The following CPEB3 variants were observed in gnomAD, a reference collection of about 807,000 sequenced individuals.
CPEB3 encodes cytoplasmic polyadenylation element-binding protein 3.
A neutral mutation model predicts 67.2 loss-of-function variants in CPEB3; 20 were observed. That is an observed-to-expected ratio of 0.30 (90% CI 0.21 to 0.43). CPEB3 has a LOEUF of 0.43. Among genes scored for constraint, CPEB3 ranks in the 20% least tolerant of loss-of-function variants. CPEB3 has a pLI of 1.00. For synonymous variants in CPEB3, 376 were observed against 393.1 expected, an observed-to-expected ratio of 0.96 and a Z score of 0.51; for missense variants, 746 against 968.6, an observed-to-expected ratio of 0.77 and a Z score of 3.05.
At chr10:92,092,653 G>A (rs913671924) in intron 7 of CPEB3, among the ~76,000 whole-genome samples, 4 of 152,120 alleles carry the variant, frequency 2.6e-5, no homozygotes, top group Admixed American at 2.0e-4. Context: ...AGTGGCTCAC[G>A]CCTGTAGTCC....
Position 92,224,859 on chromosome 10 carries a change from C to CTATA in CPEB3, c.1005+14483_1005+14486dup, listed in dbSNP as rs1290949330. Among the ~76,000 whole-genome samples, 13 of 145,898 alleles carry CTATA rather than the reference C, an allele frequency of 8.9e-5. No homozygotes were observed. The Admixed American group carries it at 8.9e-4, about 10-fold the overall frequency. Reference sequence around the variant, plus strand: ...AGACCACCTGACTTCTTAAAAAAAACTATATATATATAACTTTATATATAT... The same window carrying CTATA: ...AGACCACCTGACTTCTTAAAAAAAACTATATATATATATATAACTTTATATATAT... On this transcript the variant is annotated intron_variant, in intron 2 of 9. Coordinates refer to ENST00000265997, the MANE Select transcript of CPEB3 (RefSeq NM_014912.5).
chr10:92,111,328 A>C, intron 6 of CPEB3, 134 bp from the exon 7 acceptor site: 1 of 690,714 alleles, frequency 1.4e-6, no homozygotes. Context: ...GGACAAAGGG[A>C]CTTTGTCCAG....
At chr10:92,089,782 CAAAA>C (rs1004995643) in intron 8 of CPEB3, among the ~76,000 whole-genome samples, 2 of 142,848 alleles carry the variant, frequency 1.4e-5, no homozygotes, top group African/African-American at 5.1e-5. Context: ...GACTCCGTCT[CAAAA>C]AAAAAAGGAA....
rs749285662 is a variant in CPEB3 at position 92,289,718 on chromosome 10, C to CAAA, written c.-12+1205_-12+1207dup. On this transcript the variant is annotated intron_variant, in intron 1 of 9. Coordinates refer to ENST00000265997, the MANE Select transcript of CPEB3 (RefSeq NM_014912.5). ...CAACATGGCGAGACCGCGTCTCTACCAAAAAAAAAAAAAAATATATATATA... is the reference window on the plus strand; with the variant it reads ...CAACATGGCGAGACCGCGTCTCTACCAAAAAAAAAAAAAAAAAATATATATATA... Among the ~76,000 whole-genome samples, 123 of 30,950 alleles carry CAAA rather than the reference C, an allele frequency of 4.0e-3. 13 individuals carry two copies. The highest frequency in any genetic ancestry group is 0.022 in the African/African-American group (56 of 2,498). 20.3% of individuals were successfully genotyped at this position (30,950 alleles called of 152,430 possible).
Position 92,275,105 on chromosome 10 carries a change from C to A in CPEB3, c.-12+15821G>T, listed in dbSNP as rs138148714. Among the ~76,000 whole-genome samples, 448 of 152,264 alleles carry A rather than the reference C, an allele frequency of 2.9e-3. 3 individuals carry two copies. Among genetic ancestry groups the A allele is most frequent in the Middle Eastern group, 6.8e-3 (2 of 294 alleles). On this transcript the variant is annotated intron_variant, in intron 1 of 9. Transcript: ENST00000265997. ...CTTACCTTCAATCCTGTGAGCTCAC[C>A]CATGTCCTTCCAATGAATTTCCTTT...
intron 3 of CPEB3, among the ~76,000 whole-genome samples, chr10:92,191,103 T>A (rs887272079): frequency 6.6e-5 from 10 of 152,198 alleles, no homozygotes; most frequent in Non-Finnish European, 5.9e-5. Flanking sequence ...AACTTTTTTT[T>A]AATATTTTCC....
chr10:92,250,021 C>CATATATATAT (rs139850091), intron 1 of CPEB3, among the ~76,000 whole-genome samples: 17 of 146,272 alleles, frequency 1.2e-4, no homozygotes, highest in Non-Finnish European at 2.1e-4. Context: ...GACTCCATCT[C>CATATATATAT]ATATATATAT....
chr10:92,056,749 C>T (rs2134278197), intron 9 of CPEB3, among the ~76,000 whole-genome samples: 1 of 152,338 alleles, frequency 6.6e-6, no homozygotes, highest in East Asian at 1.9e-4. Context: ...AGACATCAGC[C>T]AAGGGAGTGG....
chr10:92,176,907 T>C (rs3781231), intron 4 of CPEB3, among the ~76,000 whole-genome samples: 54,737 of 152,202 alleles, frequency 0.36, 11,223 homozygotes, highest in African/African-American at 0.55. Flanking sequence ...GCTTTGAATG[T>C]GGCCCAAACA....
At chr10:92,221,449 C>T (rs534563464) in intron 2 of CPEB3, among the ~76,000 whole-genome samples, 10 of 152,268 alleles carry the variant, frequency 6.6e-5, no homozygotes, top group African/African-American at 1.9e-4. Flanking sequence ...GACGAGATCA[C>T]GCCAGTGCAC....
intron 1 of CPEB3, among the ~76,000 whole-genome samples, chr10:92,249,283 G>C: frequency 6.6e-6 from 1 of 151,962 alleles, no homozygotes; most frequent in East Asian, 1.9e-4. Context: ...GGAGGCTGAG[G>C]CCGGAGAATC....
rs949779438 is a variant in CPEB3 at position 92,119,008 on chromosome 10, T to G, written c.1454-7814A>C. On this transcript the variant is annotated intron_variant, in intron 6 of 9. Coordinates refer to ENST00000265997, the MANE Select transcript of CPEB3 (RefSeq NM_014912.5). ...CAGCACTGATCCACACAGCTAAGTTTGCACTCGTCTTCCCTCTCATGTATC... is the reference window on the plus strand; with the variant it reads ...CAGCACTGATCCACACAGCTAAGTTGGCACTCGTCTTCCCTCTCATGTATC... 9.1e-6 allele frequency: 14 copies of G among 1,541,212 alleles called. No individual in the cohort carries two copies. The African/African-American group carries it at 1.9e-4, about 21-fold the overall frequency.
chr10:92,194,181 C>T (rs1246390719), intron 2 of CPEB3, among the ~76,000 whole-genome samples: 1 of 151,690 alleles, frequency 6.6e-6, no homozygotes. Flanking sequence ...GTGGCTCACA[C>T]CTGTAATCCC....
intron 8 of CPEB3, among the ~76,000 whole-genome samples, chr10:92,089,361 A>T (rs1843515243): frequency 6.6e-6 from 1 of 152,180 alleles, no homozygotes. Flanking sequence ...GCCACCTAGA[A>T]ACTAGCTATG....
chr10:92,123,863 C>G (rs1389426004), intron 6 of CPEB3, among the ~76,000 whole-genome samples: 2 of 152,168 alleles, frequency 1.3e-5, no homozygotes, highest in Non-Finnish European at 2.9e-5. Flanking sequence ...AAAGACAACC[C>G]AGGTCTTTGC....
chr10:92,097,415 C>CA (rs1349226793), intron 7 of CPEB3, among the ~76,000 whole-genome samples: 1 of 152,132 alleles, frequency 6.6e-6, no homozygotes, highest in African/African-American at 2.4e-5. Flanking sequence ...AGAGAAAATA[C>CA]AAAAATCATT....
intron 6 of CPEB3, chr10:92,137,361 C>T (rs1238984477): frequency 2.9e-6 from 3 of 1,024,720 alleles, no homozygotes; most frequent in East Asian, 2.6e-5. Flanking sequence ...ACCAGAGATA[C>T]CTGTCTCCCA....
intron 8 of CPEB3, among the ~76,000 whole-genome samples, chr10:92,088,094 G>A (rs1163077074): frequency 6.6e-6 from 1 of 152,080 alleles, no homozygotes; most frequent in East Asian, 1.9e-4. Context: ...CAGTAATAAT[G>A]TGTATTATTT....
At chr10:92,199,921 G>A (rs1048138503) in intron 2 of CPEB3, among the ~76,000 whole-genome samples, 1 of 151,714 alleles carries the variant, frequency 6.6e-6, no homozygotes, top group Non-Finnish European at 1.5e-5. Context: ...GAGAGAGAGA[G>A]AGAATTATTT....
Sources: gnomAD v4.1 joint callset for allele counts (sites outside exome capture counted in the v4.1 genomes callset) on GRCh38, gnomAD v4.1.1 for gene constraint, MANE v1.5 for transcripts, NCBI Gene and HGNC (gene_info 2026-07-23, HGNC 2026-07-21) for gene names.